The following KLRG1 variants were observed in gnomAD, a reference collection of about 807,000 sequenced individuals.
KLRG1 encodes the protein killer cell lectin like receptor G1.
A neutral mutation model predicts 21.8 loss-of-function variants in KLRG1; 16 were observed. The observed-to-expected ratio is 0.73, with a 90% CI of 0.50 to 1.11. The LOEUF (loss-of-function observed/expected upper bound fraction) is 1.11. Among genes scored for constraint, KLRG1 ranks in the 50% most tolerant of loss-of-function variants. The pLI, the probability that KLRG1 is intolerant of heterozygous loss-of-function variation, is 0.00. For missense variants in KLRG1, 173 were observed against 218.3 expected, an observed-to-expected ratio of 0.79 and a Z score of 1.31; for synonymous variants, 69 against 75.9, an observed-to-expected ratio of 0.91 and a Z score of 0.47.
At chr12:9,197,496 TA>T in the KLRG1 span, among the ~76,000 whole-genome samples, 2 of 128,670 alleles carry the variant, frequency 1.6e-5, no homozygotes, top group Non-Finnish European at 3.1e-5. Flanking sequence ...ATATTATATA[TA>T]AATATATTAT....
At chr12:8,958,273 A>G (rs1279279839) in intron 1 of KLRG1, among the ~76,000 whole-genome samples, 1 of 151,994 alleles carries the variant, frequency 6.6e-6, no homozygotes, top group Non-Finnish European at 1.5e-5. Flanking sequence ...ATATGGATAT[A>G]TAATGACTTC....
At chr12:9,206,783 T>C in the KLRG1 span, among the ~76,000 whole-genome samples, 373 of 152,228 alleles carry the variant, frequency 2.5e-3, 2 homozygotes, top group African/African-American at 8.4e-3. Context: ...CTTTGTTCAG[T>C]GGCAGACACA....
At chr12:9,043,471 C>T in the KLRG1 span, among the ~76,000 whole-genome samples, 1 of 152,218 alleles carries the variant, frequency 6.6e-6, no homozygotes, top group Admixed American at 6.5e-5. Context: ...ACCCAAAGGA[C>T]TCCATTCACA....
downstream of KLRG1, among the ~76,000 whole-genome samples, chr12:9,014,177 GA>G (rs1947668582): frequency 6.6e-6 from 1 of 152,100 alleles, no homozygotes; most frequent in Non-Finnish European, 1.5e-5. Flanking sequence ...TAGAGACAGA[GA>G]CTGGGGTAGA....
chr12:8,987,620 T>A (rs906131221), upstream of KLRG1: 6 of 152,222 alleles, frequency 3.9e-5, no homozygotes, highest in African/African-American at 1.4e-4. Context: ...TTAATCACAC[T>A]GCAAAACTGA....
the KLRG1 span, among the ~76,000 whole-genome samples, chr12:9,136,357 C>A: frequency 0.41 from 62,876 of 151,902 alleles, 13,309 homozygotes; most frequent in Non-Finnish European, 0.45. Flanking sequence ...TGTTAATCAT[C>A]TTTTATTTGG....
chr12:9,174,850 TAAG>T, the KLRG1 span, among the ~76,000 whole-genome samples: 7 of 152,188 alleles, frequency 4.6e-5, no homozygotes, highest in African/African-American at 7.2e-5. Context: ...TCCTCACGCA[TAAG>T]AAGAATCAGT....
the KLRG1 span, among the ~76,000 whole-genome samples, chr12:9,061,634 C>T: frequency 3.3e-5 from 5 of 151,920 alleles, no homozygotes; most frequent in Non-Finnish European, 5.9e-5. Context: ...GGCAGCATAG[C>T]GAGACCCTAT....
the KLRG1 span, chr12:9,101,726 A>G: frequency 7.2e-7 from 1 of 1,394,456 alleles, no homozygotes; most frequent in Admixed American, 2.0e-5. Flanking sequence ...CATAAAGATT[A>G]ATGTTCTCAC....
At chr12:9,089,055 A>G in the KLRG1 span, 5 of 670,554 alleles carry the variant, frequency 7.5e-6, no homozygotes, top group Admixed American at 1.2e-4. Flanking sequence ...GGCCTTCCTA[A>G]GAACTATTTT....
the KLRG1 span, among the ~76,000 whole-genome samples, chr12:9,129,666 G>C: frequency 6.6e-6 from 1 of 152,008 alleles, no homozygotes; most frequent in Non-Finnish European, 1.5e-5. Context: ...CCGCCTCCCG[G>C]GTTCAGGAGT....
the KLRG1 span, chr12:9,109,270 G>A: frequency 4.9e-6 from 7 of 1,432,722 alleles, no homozygotes; most frequent in Non-Finnish European, 6.8e-6. Context: ...CCCAAATGGT[G>A]AGTCTCTTTT....
the KLRG1 span, among the ~76,000 whole-genome samples, chr12:9,197,924 T>C: frequency 7.7e-6 from 1 of 129,496 alleles, no homozygotes; most frequent in Non-Finnish European, 1.6e-5. Context: ...ATATATTATA[T>C]AAGTTATCTA....
the KLRG1 span, chr12:9,148,987 C>T: frequency 2.5e-6 from 4 of 1,611,486 alleles, no homozygotes; most frequent in Non-Finnish European, 2.5e-6. Flanking sequence ...CATTTCCATG[C>T]TCTGTATCTA....
the KLRG1 span, among the ~76,000 whole-genome samples, chr12:9,026,692 T>G: frequency 6.6e-6 from 1 of 152,308 alleles, no homozygotes; most frequent in East Asian, 1.9e-4. Context: ...TTTCTTTTTT[T>G]GTCTTTTTTC....
chr12:9,047,819 T>C, the KLRG1 span, among the ~76,000 whole-genome samples: 1 of 152,202 alleles, frequency 6.6e-6, no homozygotes, highest in Non-Finnish European at 1.5e-5. Context: ...CAAGAAGTCA[T>C]AACAATCCTG....
chr12:9,088,732 T>C, the KLRG1 span, among the ~76,000 whole-genome samples: 1 of 152,156 alleles, frequency 6.6e-6, no homozygotes, highest in African/African-American at 2.4e-5. Context: ...GGGATAGGCA[T>C]CAAACAGATA....
At chr12:9,105,788 C>G in the KLRG1 span, among the ~76,000 whole-genome samples, 14 of 152,172 alleles carry the variant, frequency 9.2e-5, no homozygotes, top group Admixed American at 6.5e-4. Context: ...ATTGTAGAAT[C>G]TTTAATACTT....
At chr12:9,137,722 C>G in the KLRG1 span, among the ~76,000 whole-genome samples, 2 of 151,996 alleles carry the variant, frequency 1.3e-5, no homozygotes, top group African/African-American at 4.8e-5. Flanking sequence ...TTTCCAGACA[C>G]AGGTCTTTCA....
Sources: gnomAD v4.1 joint callset for allele counts (sites outside exome capture counted in the v4.1 genomes callset) on GRCh38, gnomAD v4.1.1 for gene constraint, MANE v1.5 for transcripts, NCBI Gene and HGNC (gene_info 2026-07-23, HGNC 2026-07-21) for gene names.